The following ADCY2 variants were observed in gnomAD, a reference collection of about 807,000 sequenced individuals.
The protein encoded by ADCY2 is adenylate cyclase type 2.
A neutral mutation model predicts 125.2 loss-of-function variants in ADCY2; 31 were observed. The ratio of observed to expected loss-of-function variants is 0.25; its 90% confidence interval spans 0.19 to 0.33. The LOEUF (loss-of-function observed/expected upper bound fraction) is 0.33, where lower values mean the gene tolerates loss of function less well. Ranked by LOEUF, ADCY2 falls within the 10% of genes least tolerant of loss-of-function variation. The pLI, the probability that ADCY2 is intolerant of heterozygous loss-of-function variation, is 1.00. For synonymous variants in ADCY2, 512 were observed against 548.4 expected (o/e 0.93, Z 0.93); for missense variants, 904 against 1,418.2 (o/e 0.64, Z 5.82).
intron 3 of ADCY2, among the ~76,000 whole-genome samples, chr5:7,538,762 A>G (rs1734897668): frequency 6.6e-6 from 1 of 152,088 alleles, no homozygotes; most frequent in Non-Finnish European, 1.5e-5. Context: ...TGCAGAAACC[A>G]TTATGTAGCA....
chr5:7,727,080 T>C (rs547241964), intron 13 of ADCY2, 84 bp from the exon 14 acceptor site: 1 of 993,276 alleles, frequency 1.0e-6, no homozygotes, highest in East Asian at 2.4e-5. Context: ...TGGTGCATGC[T>C]CTGGGTACAA....
chr5:7,413,883 T>C (rs1286232394), intron 1 of ADCY2, among the ~76,000 whole-genome samples: 5 of 152,228 alleles, frequency 3.3e-5, no homozygotes, highest in Non-Finnish European at 2.9e-5. Context: ...AAAATAAATG[T>C]AAAGAAATAC....
At chr5:7,452,535 A>G (rs901404716) in intron 2 of ADCY2, among the ~76,000 whole-genome samples, 5 of 152,184 alleles carry the variant, frequency 3.3e-5, no homozygotes, top group African/African-American at 9.7e-5. Context: ...TCATATCTTT[A>G]TAATTGTGAA....
In ADCY2 at chr5:7,484,477, A is replaced by G. The variant is rs147699692; in HGVS notation, c.409-36261A>G. On this transcript the variant is annotated intron_variant, in intron 2 of 24. Transcript: ENST00000338316. ...ACTGCTGCAGAGAGACCCAAGCTCC[A>G]TTAGCCTTCCTGGAACTGCCCAGAA... Among the ~76,000 whole-genome samples the G allele has an allele frequency of 2.5e-3, 384 of 152,350 alleles. 3 individuals carry two copies. Among genetic ancestry groups the G allele is most frequent in the African/African-American group, 8.9e-3 (369 of 41,584 alleles).
rs760607597 is a variant in ADCY2 at position 7,698,259 on chromosome 5, A to T, written c.994A>T (p.Met332Leu). Reference protein sequence around the residue: ...FDQIAKENECMRIKILGDCYY... With the variant: ...FDQIAKENECLRIKILGDCYY... Reference sequence around the variant, plus strand: ...TTTATTCTTCCAGGAGAATGAATGCATGAGAATTAAAATTTTAGGAGACTG... The same window carrying T: ...TTTATTCTTCCAGGAGAATGAATGCTTGAGAATTAAAATTTTAGGAGACTG... The change falls in exon 7 of 25, where the codon ATG becomes TTG. Residue 332 changes from methionine to leucine, a missense_variant. By Grantham distance (15) the Met-to-Leu change is conservative. Around this residue, in one of 7 missense-constraint regions of ADCY2, gnomAD observed 117 missense variants for 248.0 expected, o/e 0.47. Transcript: ENST00000338316. 6.2e-6 allele frequency: 10 copies of T among 1,614,074 alleles called. No homozygotes were observed. The South Asian group carries it at 1.1e-4, about 18-fold the overall frequency.
At chr5:7,825,223 C>A (rs527423890) in intron 24 of ADCY2, among the ~76,000 whole-genome samples, 1 of 146,374 alleles carries the variant, frequency 6.8e-6, no homozygotes, top group Non-Finnish European at 1.5e-5. Flanking sequence ...CTGCTGTGCG[C>A]CACGACAACG....
intron 3 of ADCY2, among the ~76,000 whole-genome samples, chr5:7,581,303 TACAA>T (rs1225109845): frequency 6.6e-6 from 1 of 151,548 alleles, no homozygotes; most frequent in African/African-American, 2.4e-5. Context: ...TGTACACACA[TACAA>T]ACACACATAT....
At chr5:7,635,622 T>C (rs1368201469) in intron 4 of ADCY2, among the ~76,000 whole-genome samples, 1 of 151,924 alleles carries the variant, frequency 6.6e-6, no homozygotes. Flanking sequence ...AGATCTGGAG[T>C]TAAAGATGTG....
intron 2 of ADCY2, among the ~76,000 whole-genome samples, chr5:7,454,783 A>C (rs530211020): frequency 6.6e-6 from 1 of 152,232 alleles, no homozygotes; most frequent in Admixed American, 6.5e-5. Context: ...TTGTATCTTC[A>C]ATTTAGTAGC....
At chr5:7,397,379 A>G (rs1012293887) in intron 1 of ADCY2, among the ~76,000 whole-genome samples, 2 of 151,210 alleles carry the variant, frequency 1.3e-5, no homozygotes, top group African/African-American at 4.9e-5. Flanking sequence ...GTGTGGTTCA[A>G]ACTTTTGCAC....
intron 3 of ADCY2, among the ~76,000 whole-genome samples, chr5:7,527,557 C>G (rs529284674): frequency 6.6e-6 from 1 of 152,244 alleles, no homozygotes; most frequent in Non-Finnish European, 1.5e-5. Flanking sequence ...TTTACTTAAG[C>G]AAGCCAGTTA....
chr5:7,638,641 A>G (rs1039067143), intron 4 of ADCY2, among the ~76,000 whole-genome samples: 2 of 152,226 alleles, frequency 1.3e-5, no homozygotes, highest in Non-Finnish European at 1.5e-5. Context: ...CTGCCAGTCC[A>G]GGATCACTGG....
chr5:7,513,731 T>C (rs1300949754), intron 2 of ADCY2, among the ~76,000 whole-genome samples: 1 of 152,220 alleles, frequency 6.6e-6, no homozygotes, highest in Non-Finnish European at 1.5e-5. Flanking sequence ...ATAAGAACTA[T>C]ATTGCGGTAC....
At chr5:7,415,783 A>G (rs1739917953) in intron 2 of ADCY2, among the ~76,000 whole-genome samples, 1 of 152,124 alleles carries the variant, frequency 6.6e-6, no homozygotes, top group East Asian at 1.9e-4. Context: ...GGCTGCTCCC[A>G]GCATATTCAT....
At chr5:7,732,665 T>C (rs1742139878) in intron 14 of ADCY2, among the ~76,000 whole-genome samples, 1 of 152,090 alleles carries the variant, frequency 6.6e-6, no homozygotes, top group South Asian at 2.1e-4. Context: ...ATTATACTTT[T>C]GCTTTGTTTC....
chr5:7,702,618 A>G (rs1028707038), intron 7 of ADCY2, among the ~76,000 whole-genome samples: 30 of 152,280 alleles, frequency 2.0e-4, no homozygotes, highest in Middle Eastern at 3.4e-3. Flanking sequence ...TTCTTAATCC[A>G]ATCTATCACT....
intron 3 of ADCY2, among the ~76,000 whole-genome samples, chr5:7,551,721 AT>A (rs1283745047): frequency 6.6e-6 from 1 of 152,154 alleles, no homozygotes; most frequent in Non-Finnish European, 1.5e-5. Flanking sequence ...GCAATGGCAG[AT>A]TGTATTTTTG....
chr5:7,585,811 A>C (rs1736608366), intron 3 of ADCY2, among the ~76,000 whole-genome samples: 1 of 152,240 alleles, frequency 6.6e-6, no homozygotes, highest in Admixed American at 6.5e-5. Context: ...AGAACTGCTA[A>C]GAGTAGCATT....
At chr5:7,801,826 C>T (rs1216783224) in intron 20 of ADCY2, 1 of 168,118 alleles carries the variant, frequency 5.9e-6, no homozygotes, top group Non-Finnish European at 1.3e-5. Context: ...CATCAAGACT[C>T]CCATCCAAAT....
Sources: gnomAD v4.1 joint callset for allele counts (sites outside exome capture counted in the v4.1 genomes callset) on GRCh38, gnomAD v4.1.1 for gene constraint, gnomAD v4.1.1 regional missense constraint, MANE v1.5 for transcripts, NCBI Gene and HGNC (gene_info 2026-07-23, HGNC 2026-07-21) for gene names.